ZNF540: variants seen among roughly 807,000 people sequenced by gnomAD.
ZNF540 encodes the protein zinc finger protein 540.
Under a neutral mutation model 11.8 loss-of-function variants are expected in ZNF540, and 3 were observed. The ratio of observed to expected loss-of-function variants is 0.25; its 90% CI spans 0.12 to 0.65. The LOEUF is 0.65. Among genes scored for constraint, ZNF540 ranks in the 30% least tolerant of loss-of-function variants. ZNF540 has a pLI of 0.83. For synonymous variants in ZNF540, 247 were observed against 259.0 expected (o/e 0.95, Z 0.45); for missense variants, 709 against 793.1 (o/e 0.89, Z 1.27).
chr19:37,565,709 T>C (rs540340741), intron 1 of ZNF540: 1 of 1,613,962 alleles, frequency 6.2e-7, no homozygotes, highest in Non-Finnish European at 8.5e-7. Context: ...TCTCTGATGT[T>C]CAGTGAGCTG....
chr19:37,584,283 A>G (rs2043583416), intron 1 of ZNF540: 3 of 638,520 alleles, frequency 4.7e-6, no homozygotes, highest in Admixed American at 3.2e-5. Flanking sequence ...TCCTCTGTAC[A>G]ATAGAACAAT....
At chr19:37,611,389 T>A (rs1315248864) in intron 4 of ZNF540, 124 bp from the exon 5 acceptor site, 1 of 699,220 alleles carries the variant, frequency 1.4e-6, no homozygotes, top group Non-Finnish European at 2.3e-6. Flanking sequence ...TATTGAAATA[T>A]TCTTTAAGCC....
intron 1 of ZNF540, among the ~76,000 whole-genome samples, chr19:37,581,801 A>G (rs1241780363): frequency 6.6e-6 from 1 of 151,706 alleles, no homozygotes; most frequent in Non-Finnish European, 1.5e-5. Flanking sequence ...AAAAAAAACA[A>G]AAAACAAAAA....
chr19:37,593,995 T>C (rs2043943148), upstream of ZNF540: 1 of 151,984 alleles, frequency 6.6e-6, no homozygotes, highest in Non-Finnish European at 1.5e-5. Context: ...TCTGGGTGCC[T>C]CTCTTGGAAA....
chr19:37,604,274 A>G lies in ZNF540; in HGVS notation c.232+3169A>G, dbSNP rs534848034. Among the ~76,000 whole-genome samples, 6 of 127,476 alleles carry G rather than the reference A, an allele frequency of 4.7e-5. No individual in the cohort carries two copies. In the South Asian group the frequency reaches 1.6e-3, roughly 34 times the overall value. The allele number at this position is 127,476 out of a possible 152,430, so 83.6% of individuals were successfully genotyped here. A position where few individuals can be genotyped will look rare whatever the true frequency, so the allele number is the denominator to read the frequency against. ...GATTATTTTGTTTAGAGCATTACAT[A>G]GAGCTTTGGAAAATAGCCTTACTTT... On this transcript the variant is annotated intron_variant, in intron 4 of 4. Coordinates refer to ENST00000316433, the MANE Select transcript of ZNF540 (RefSeq NM_001172225.3).
intron 1 of ZNF540, chr19:37,564,624 T>C (rs1203116575): frequency 6.4e-7 from 1 of 1,550,912 alleles, no homozygotes; most frequent in African/African-American, 1.4e-5. Flanking sequence ...GTATGTTGAG[T>C]AAGTTGTGAA....
At chr19:37,574,994 C>A (rs2043194120) in intron 1 of ZNF540, among the ~76,000 whole-genome samples, 2 of 152,092 alleles carry the variant, frequency 1.3e-5, no homozygotes, top group African/African-American at 4.8e-5. Context: ...TTTTCAAAAT[C>A]AAAAATCACC....
At chr19:37,578,358 G>T (rs754864007) in intron 1 of ZNF540, among the ~76,000 whole-genome samples, 3 of 152,152 alleles carry the variant, frequency 2.0e-5, no homozygotes, top group Non-Finnish European at 4.4e-5. Flanking sequence ...GTGAAACGGT[G>T]AGAGAGTGAG....
At chr19:37,610,656 A>G (rs1286930909) in intron 4 of ZNF540, among the ~76,000 whole-genome samples, 1 of 152,226 alleles carries the variant, frequency 6.6e-6, no homozygotes, top group African/African-American at 2.4e-5. Flanking sequence ...ACAATCGAGG[A>G]GCTGAATAGA....
In ZNF540 at chr19:37,612,088, C is replaced by T; in HGVS notation, c.808C>T (p.Pro270Ser). 3 of 1,611,894 alleles carry T rather than the reference C, an allele frequency of 1.9e-6. No homozygotes were observed. Among genetic ancestry groups the T allele is most frequent in the Non-Finnish European group, 2.5e-6 (3 of 1,179,656 alleles). ...TCAGAAAATTCACACTGGTAAAAAA[C>T]CCTATATGTGTAAGAAATGTGATAA... ...RHQKIHTGKK[P>S]YMCKKCDKGF... Residue 270 changes from proline to serine, a missense_variant, in exon 5 of 5, where the codon CCC becomes TCC. Transcript: ENST00000316433.
chr19:37,561,681 C>A (rs1378273310), intron 1 of ZNF540, among the ~76,000 whole-genome samples: 1 of 152,188 alleles, frequency 6.6e-6, no homozygotes, highest in Non-Finnish European at 1.5e-5. Context: ...GGAATTATTT[C>A]TTGAACATAT....
chr19:37,571,858 C>T (rs1291828643), intron 1 of ZNF540, among the ~76,000 whole-genome samples: 1 of 152,168 alleles, frequency 6.6e-6, no homozygotes, highest in Non-Finnish European at 1.5e-5. Context: ...TTGCATCTAA[C>T]CTTTAAAAGT....
chr19:37,600,444 A>G (rs1453497204), intron 3 of ZNF540, among the ~76,000 whole-genome samples: 2 of 152,228 alleles, frequency 1.3e-5, no homozygotes, highest in Non-Finnish European at 2.9e-5. Flanking sequence ...TCTTAGCAAG[A>G]ACCTAGAAAT....
chr19:37,555,510 G>A (rs979905794), intron 1 of ZNF540: 2 of 199,308 alleles, frequency 1.0e-5, no homozygotes, highest in African/African-American at 2.4e-5. Flanking sequence ...AGTTAGCCAG[G>A]GGTTCCAGTT....
At position 37,613,897 on chromosome 19, in the gene ZNF540, G is replaced by A; in HGVS notation, c.*634G>A. On this transcript the variant is annotated 3_prime_UTR_variant, in exon 5 of 5. Coordinates refer to ENST00000316433, the MANE Select transcript of ZNF540 (RefSeq NM_001172225.3). ...GAGGAAATTAGGTCATGAGGGTGGA[G>A]CCTTCATGAGTGGAATTACTGCCTT... 1 of 398,544 alleles carries A rather than the reference G, an allele frequency of 2.5e-6. No homozygotes were observed. Among genetic ancestry groups the A allele is most frequent in the Non-Finnish European group, 4.4e-6 (1 of 226,054 alleles). The allele number at this position is 398,544 out of a possible 1,614,324, so 24.7% of individuals were successfully genotyped here.
intron 1 of ZNF540, among the ~76,000 whole-genome samples, chr19:37,568,943 C>T (rs1416153771): frequency 1.3e-5 from 2 of 151,904 alleles, no homozygotes; most frequent in Non-Finnish European, 2.9e-5. Flanking sequence ...ACTGCTGACA[C>T]TCGGGAAGCC....
intron 4 of ZNF540, among the ~76,000 whole-genome samples, chr19:37,609,327 A>C (rs2044109207): frequency 6.6e-6 from 1 of 151,868 alleles, no homozygotes; most frequent in African/African-American, 2.4e-5. Flanking sequence ...GCGGATCACA[A>C]GGTCAGGGGT....
At chr19:37,581,351 G>A (rs1184873516) in intron 1 of ZNF540, among the ~76,000 whole-genome samples, 3 of 151,930 alleles carry the variant, frequency 2.0e-5, no homozygotes, top group Non-Finnish European at 2.9e-5. Context: ...ACAGCAACAC[G>A]TCTTAAAGCA....
upstream of ZNF540, chr19:37,594,485 A>T (rs1330154072): frequency 6.6e-6 from 1 of 152,238 alleles, no homozygotes; most frequent in African/African-American, 2.4e-5. Context: ...CCAGGGGCAC[A>T]CTCATAAATT....
Sources: allele counts gnomAD v4.1 joint callset (sites outside exome capture counted in the v4.1 genomes callset), GRCh38; gene constraint gnomAD v4.1.1; transcripts MANE v1.5; gene names NCBI Gene and HGNC (gene_info 2026-07-23, HGNC 2026-07-21).